Variants in DOCK1 observed in about 807,000 individuals in gnomAD.
DOCK1 encodes dedicator of cytokinesis protein 1.
In DOCK1, 138 loss-of-function variants were observed where a neutral mutation model predicts 262.7. The ratio of observed to expected loss-of-function variants is 0.53; its 90% CI spans 0.46 to 0.61. DOCK1 has a LOEUF of 0.61. Ranked by LOEUF, DOCK1 falls within the 20% of genes least tolerant of loss-of-function variation. The probability of loss-of-function intolerance (pLI) is 0.00; values close to 1 mark genes in which losing one functional copy is unlikely to be tolerated. For missense variants in DOCK1, 1,908 were observed against 2,370.7 expected (o/e 0.80, Z 4.05); for synonymous variants, 866 against 867.4 (o/e 1.00, Z 0.03).
chr10:127,150,395 C>T (rs2052375647), intron 27 of DOCK1, among the ~76,000 whole-genome samples: 1 of 152,026 alleles, frequency 6.6e-6, no homozygotes, highest in Non-Finnish European at 1.5e-5. Context: ...GTATCAGCAA[C>T]TCTCAGCCAC....
At chr10:127,399,604 T>C (rs985359267) in intron 38 of DOCK1, among the ~76,000 whole-genome samples, 19 of 152,196 alleles carry the variant, frequency 1.2e-4, no homozygotes, top group Middle Eastern at 3.2e-3. Flanking sequence ...TTAAAAACAA[T>C]TACTTTTGAT....
intron 38 of DOCK1, among the ~76,000 whole-genome samples, chr10:127,392,791 C>T (rs540561289): frequency 3.9e-5 from 6 of 152,314 alleles, no homozygotes; most frequent in East Asian, 1.9e-4. Context: ...CACTCTGCCA[C>T]GTGCCGCATC....
chr10:126,975,847 G>T (rs1022021056), intron 2 of DOCK1, among the ~76,000 whole-genome samples: 1 of 151,724 alleles, frequency 6.6e-6, no homozygotes. Flanking sequence ...TGGAACTCCA[G>T]ACCTCAAGTT....
intron 27 of DOCK1, among the ~76,000 whole-genome samples, chr10:127,173,712 A>ACT (rs543991492): frequency 2.8e-3 from 429 of 152,252 alleles, no homozygotes; most frequent in African/African-American, 9.7e-3. Context: ...AGGAATGTGG[A>ACT]CTACTGATCA....
At chr10:126,993,345 C>T (rs2039948498) in intron 6 of DOCK1, among the ~76,000 whole-genome samples, 1 of 152,210 alleles carries the variant, frequency 6.6e-6, no homozygotes, top group Middle Eastern at 3.2e-3. Flanking sequence ...CATGCCTACA[C>T]TAGAAGTGAC....
intron 38 of DOCK1, among the ~76,000 whole-genome samples, chr10:127,389,963 G>A (rs989529480): frequency 4.0e-5 from 6 of 151,170 alleles, no homozygotes; most frequent in South Asian, 2.1e-4. Context: ...GCAGTGAGCC[G>A]AGATTGAGCC....
chr10:126,934,790 T>C (rs1457393899), intron 1 of DOCK1, among the ~76,000 whole-genome samples: 1 of 121,548 alleles, frequency 8.2e-6, no homozygotes, highest in African/African-American at 3.4e-5. Flanking sequence ...GATAAAGCCC[T>C]GTGCACATAG....
chr10:127,250,177 A>G (rs1460685967), intron 28 of DOCK1, among the ~76,000 whole-genome samples: 1 of 152,244 alleles, frequency 6.6e-6, no homozygotes, highest in Non-Finnish European at 1.5e-5. Context: ...TCACCTGGAA[A>G]AGTCAGGACT....
At chr10:127,108,640 A>G (rs922136980) in intron 24 of DOCK1, among the ~76,000 whole-genome samples, 4 of 152,158 alleles carry the variant, frequency 2.6e-5, no homozygotes, top group African/African-American at 7.2e-5. Context: ...TGCACTTAAG[A>G]CATCTTCCTC....
At chr10:127,123,590 A>G (rs563937685) in intron 25 of DOCK1, among the ~76,000 whole-genome samples, 6 of 152,056 alleles carry the variant, frequency 3.9e-5, no homozygotes, top group Non-Finnish European at 5.9e-5. Context: ...GTTTGTAAAC[A>G]TCGAGGTTCT....
chr10:127,110,067 C>T (rs371626683), intron 24 of DOCK1, among the ~76,000 whole-genome samples, 181 bp from the exon 25 acceptor site: 6 of 152,116 alleles, frequency 3.9e-5, no homozygotes, highest in East Asian at 3.9e-4. Flanking sequence ...GAAGTGAAAA[C>T]GAACACTTTC....
intron 23 of DOCK1, among the ~76,000 whole-genome samples, chr10:127,087,249 G>T (rs2047252060): frequency 6.6e-6 from 1 of 152,188 alleles, no homozygotes; most frequent in Non-Finnish European, 1.5e-5. Flanking sequence ...GTTTTCAGGA[G>T]ATGGGCTTAT....
At position 127,231,975 on chromosome 10, in the gene DOCK1, G is replaced by A. The variant is rs999480903; in HGVS notation, c.2848-16033G>A. 3.9e-5 allele frequency among the ~76,000 whole-genome samples: 6 copies of A among 152,286 alleles called. No individual in the cohort carries two copies. The East Asian group carries it at 1.2e-3, about 29-fold the overall frequency. On this transcript the variant is annotated intron_variant, in intron 27 of 51. Transcript: ENST00000623213. ...CAAAACCAAGGTCCCTGCACACATG[G>A]AGTTCATATTCTAGTGAGGAGAGAC...
chr10:126,998,427 C>T, intron 8 of DOCK1, 178 bp downstream of exon 8: 1 of 760,482 alleles, frequency 1.3e-6, no homozygotes, highest in South Asian at 2.0e-5. Flanking sequence ...AGGTTGGGCT[C>T]TGGGTCAGGG....
intron 1 of DOCK1, among the ~76,000 whole-genome samples, chr10:126,912,478 G>C (rs1400446594): frequency 6.6e-6 from 1 of 151,212 alleles, no homozygotes; most frequent in Admixed American, 6.6e-5. Flanking sequence ...TGTAATCCTA[G>C]CACTTTGGGA....
chr10:127,415,024 A>C (rs2068075876), intron 43 of DOCK1, 128 bp from the exon 44 acceptor site: 1 of 791,864 alleles, frequency 1.3e-6, no homozygotes. Flanking sequence ...TGTGCTGAGC[A>C]CCACAGACCC....
intron 29 of DOCK1, among the ~76,000 whole-genome samples, chr10:127,261,274 T>TGC (rs2060086626): frequency 1.6e-5 from 2 of 126,766 alleles, no homozygotes; most frequent in Admixed American, 7.8e-5. Context: ...TGTGTGTGTG[T>TGC]GCCTGCATGT....
At chr10:127,004,842 C>G (rs904199491) in intron 10 of DOCK1, among the ~76,000 whole-genome samples, 1 of 146,198 alleles carries the variant, frequency 6.8e-6, no homozygotes, top group Non-Finnish European at 1.5e-5. Flanking sequence ...ACCAGAATCT[C>G]TACTTTAACC....
At chr10:127,365,394 C>T (rs1231395121) in intron 33 of DOCK1, among the ~76,000 whole-genome samples, 1 of 152,236 alleles carries the variant, frequency 6.6e-6, no homozygotes, top group Non-Finnish European at 1.5e-5. Flanking sequence ...GGCACTATAT[C>T]ATGGCCCCAG....
Sources: gnomAD v4.1 joint callset for allele counts (sites outside exome capture counted in the v4.1 genomes callset) on GRCh38, gnomAD v4.1.1 for gene constraint, MANE v1.5 for transcripts, NCBI Gene and HGNC (gene_info 2026-07-23, HGNC 2026-07-21) for gene names.